SGCZ: variants seen among roughly 807,000 people sequenced by gnomAD.
The protein encoded by SGCZ is sarcoglycan zeta, also known as zeta-sarcoglycan.
Under a neutral mutation model 41.3 loss-of-function variants are expected in SGCZ, and 40 were observed. The observed-to-expected ratio is 0.97, with a 90% CI of 0.75 to 1.26. The LOEUF is 1.26. SGCZ is among the 50% of genes most tolerant of loss of function. The pLI is 0.00. For synonymous variants in SGCZ, 206 were observed against 137.5 expected (o/e 1.50, Z -3.49); for missense variants, 552 against 369.8 (o/e 1.49, Z -4.04).
chr8:14,875,808 C>A lies in SGCZ; in HGVS notation c.40-320882G>T, dbSNP rs376820496. Among the ~76,000 whole-genome samples the A allele has an allele frequency of 3.9e-3, 588 of 152,142 alleles. 3 individuals are homozygous for A. The highest frequency in any genetic ancestry group is 0.013 in the African/African-American group (559 of 41,542). On this transcript the variant is annotated intron_variant, in intron 1 of 7. Coordinates refer to ENST00000382080, the MANE Select transcript of SGCZ (RefSeq NM_139167.4). The stretch of plus-strand genomic sequence containing the variant: ...CTATGTTATAAATAAGGAGCCTGAC[C>A]TTGAATAGATGATTTCACATCTGGG...
intron 1 of SGCZ, among the ~76,000 whole-genome samples, chr8:14,961,325 C>T (rs556912553): frequency 6.6e-6 from 1 of 152,112 alleles, no homozygotes; most frequent in Non-Finnish European, 1.5e-5. Context: ...TTCTTGGAAA[C>T]ATCTTGGAAA....
intron 3 of SGCZ, among the ~76,000 whole-genome samples, chr8:14,283,150 C>G (rs557693685): frequency 2.6e-4 from 39 of 151,192 alleles, no homozygotes; most frequent in African/African-American, 9.5e-4. Context: ...TGCCCAGCCT[C>G]AAATACTTTT....
At chr8:14,274,046 T>C (rs555005777) in intron 3 of SGCZ, among the ~76,000 whole-genome samples, 4 of 152,160 alleles carry the variant, frequency 2.6e-5, no homozygotes, top group African/African-American at 7.2e-5. Context: ...CCTCAGGGTA[T>C]TGTTTTTTTT....
intron 1 of SGCZ, among the ~76,000 whole-genome samples, chr8:14,995,739 T>C (rs1443638624): frequency 6.6e-6 from 1 of 152,204 alleles, no homozygotes; most frequent in Non-Finnish European, 1.5e-5. Context: ...TCTTAAAGCA[T>C]TTCACACAAA....
intron 2 of SGCZ, among the ~76,000 whole-genome samples, chr8:14,397,841 T>C (rs551012401): frequency 2.0e-5 from 3 of 152,238 alleles, no homozygotes; most frequent in African/African-American, 7.2e-5. Flanking sequence ...TCGTCTAAGA[T>C]TGTCAACCCT....
intron 1 of SGCZ, among the ~76,000 whole-genome samples, chr8:14,606,902 T>C (rs184919774): frequency 6.6e-6 from 1 of 152,182 alleles, no homozygotes; most frequent in Non-Finnish European, 1.5e-5. Context: ...ATTAGAGATA[T>C]GAGGTAAATT....
rs1039808554 is a variant in SGCZ at position 14,963,381 on chromosome 8, G to A, written c.39+274204C>T. On this transcript the variant is annotated intron_variant, in intron 1 of 7. Coordinates refer to ENST00000382080, the MANE Select transcript of SGCZ (RefSeq NM_139167.4). ...GGAGACAGAGTCTCACTCTATTGCC[G>A]AGCCTGGAGTCCAGCGGCACAATCT... Among the ~76,000 whole-genome samples the A allele has an allele frequency of 6.1e-5, 9 of 148,470 alleles. No individual in the cohort carries two copies. In the East Asian group the frequency reaches 9.9e-4, roughly 16 times the overall value.
chr8:14,584,600 T>C (rs762052497), intron 1 of SGCZ, among the ~76,000 whole-genome samples: 1 of 152,114 alleles, frequency 6.6e-6, no homozygotes, highest in Admixed American at 6.6e-5. Context: ...TAATCTTATT[T>C]TGAGCAAAGA....
At chr8:14,940,098 G>A (rs1800220638) in intron 1 of SGCZ, among the ~76,000 whole-genome samples, 2 of 152,088 alleles carry the variant, frequency 1.3e-5, no homozygotes, top group South Asian at 4.1e-4. Flanking sequence ...TGGAAAACAT[G>A]TTCCTTTTGA....
At position 14,363,537 on chromosome 8, in the gene SGCZ, C is replaced by CT. The variant is rs200260452; in HGVS notation, c.235-39334dup. On this transcript the variant is annotated intron_variant, in intron 2 of 7. Coordinates refer to ENST00000382080, the MANE Select transcript of SGCZ (RefSeq NM_139167.4). The stretch of plus-strand genomic sequence containing the variant: ...GGTATCTTTCTTTTCTTTTCTTCTT[C>CT]TTTTTTTTTCCCCCAAGCAGCAGTT... Among the ~76,000 whole-genome samples, 617 of 151,440 alleles carry CT rather than the reference C, an allele frequency of 4.1e-3. 4 individuals carry two copies. The highest frequency in any genetic ancestry group is 0.013 in the African/African-American group (522 of 41,244).
intron 1 of SGCZ, among the ~76,000 whole-genome samples, chr8:15,028,614 G>A (rs1389970450): frequency 1.3e-5 from 2 of 152,060 alleles, no homozygotes; most frequent in Non-Finnish European, 2.9e-5. Flanking sequence ...TGCTTCACAG[G>A]CTCCCTCAGT....
chr8:14,659,344 T>C (rs950276945), intron 1 of SGCZ, among the ~76,000 whole-genome samples: 2 of 152,182 alleles, frequency 1.3e-5, no homozygotes, highest in Non-Finnish European at 2.9e-5. Context: ...CATCACATTA[T>C]ACCCCATAAG....
At chr8:14,394,600 T>C (rs942310081) in intron 2 of SGCZ, among the ~76,000 whole-genome samples, 1 of 152,174 alleles carries the variant, frequency 6.6e-6, no homozygotes, top group African/African-American at 2.4e-5. Flanking sequence ...CATGCATTCA[T>C]TCAGCAAATT....
chr8:14,743,451 T>C (rs946182331), intron 1 of SGCZ, among the ~76,000 whole-genome samples: 3 of 152,104 alleles, frequency 2.0e-5, no homozygotes, highest in Non-Finnish European at 4.4e-5. Flanking sequence ...CTGTGCCCTA[T>C]AGAAAAGTAA....
At chr8:15,177,546 G>C (rs1442312890) in intron 1 of SGCZ, among the ~76,000 whole-genome samples, 2 of 152,088 alleles carry the variant, frequency 1.3e-5, no homozygotes, top group Non-Finnish European at 2.9e-5. Context: ...TTTTTAAAAA[G>C]AAAGAAAATA....
chr8:15,123,520 C>G (rs929099422), intron 1 of SGCZ, among the ~76,000 whole-genome samples: 1 of 152,130 alleles, frequency 6.6e-6, no homozygotes, highest in Non-Finnish European at 1.5e-5. Context: ...ATTCATTTTA[C>G]AGTTGAGGAA....
At chr8:14,396,113 C>T (rs1798911926) in intron 2 of SGCZ, among the ~76,000 whole-genome samples, 1 of 152,148 alleles carries the variant, frequency 6.6e-6, no homozygotes, top group African/African-American at 2.4e-5. Context: ...TTAGCTCTGC[C>T]ATCTCATGTT....
intron 1 of SGCZ, among the ~76,000 whole-genome samples, chr8:15,173,108 G>A (rs1799893555): frequency 6.6e-6 from 1 of 152,162 alleles, no homozygotes. Context: ...GAAAAAGGCA[G>A]TAAATCCAGT....
intron 4 of SGCZ, among the ~76,000 whole-genome samples, chr8:14,199,301 T>G (rs911493796): frequency 1.3e-5 from 2 of 152,194 alleles, no homozygotes; most frequent in African/African-American, 4.8e-5. Context: ...CTCCCAAGCT[T>G]ATTAGGACAA....
Sources: allele counts gnomAD v4.1 joint callset (sites outside exome capture counted in the v4.1 genomes callset), GRCh38; gene constraint gnomAD v4.1.1; transcripts MANE v1.5; gene names NCBI Gene and HGNC (gene_info 2026-07-23, HGNC 2026-07-21).